MTTP: variants seen among roughly 807,000 people sequenced by gnomAD.
MTTP encodes microsomal triglyceride transfer protein.
In MTTP, 49 loss-of-function variants were observed where a neutral mutation model predicts 90.6. That is an observed-to-expected ratio of 0.54 (90% CI 0.43 to 0.69). The LOEUF is 0.69. MTTP is among the 30% of genes least tolerant of loss of function. The pLI is 0.00. For synonymous variants in MTTP, 347 were observed against 384.2 expected, an observed-to-expected ratio of 0.90 and a Z score of 1.13; for missense variants, 945 against 1,067.5, an observed-to-expected ratio of 0.89 and a Z score of 1.60.
At chr4:99,611,561 G>A (rs1725958180) in intron 14 of MTTP, 108 bp downstream of exon 14, 2 of 1,426,062 alleles carry the variant, frequency 1.4e-6, no homozygotes. Flanking sequence ...ATAAGTTAAT[G>A]GTGGCTTCTG....
At chr4:99,591,105 C>G in intron 4 of MTTP, 130 bp from the exon 5 acceptor site, 1 of 727,408 alleles carries the variant, frequency 1.4e-6, no homozygotes, top group Non-Finnish European at 2.5e-6. Context: ...GTCTTTGTAT[C>G]TTATCATCCT....
At chr4:99,611,893 C>G (rs1725965691) in intron 14 of MTTP, among the ~76,000 whole-genome samples, 1 of 152,130 alleles carries the variant, frequency 6.6e-6, no homozygotes. Context: ...TAATAAAACC[C>G]TTCATAATAG....
intron 3 of MTTP, chr4:99,583,735 T>C: frequency 1.6e-6 from 1 of 624,924 alleles, no homozygotes; most frequent in East Asian, 2.7e-5. Flanking sequence ...CCTATTTTTC[T>C]GGAAATCTTT....
At position 99,608,984 on chromosome 4, in the gene MTTP, T is replaced by C; in HGVS notation, c.1769+7T>C. 6.2e-7 allele frequency: 1 copy of C among 1,608,714 alleles called. No homozygotes were observed. The highest frequency in any genetic ancestry group is 8.5e-7 in the Non-Finnish European group (1 of 1,175,086). The stretch of plus-strand genomic sequence containing the variant: ...GTTTTGAAATGCCTGCAAGGTATAA[T>C]ACATTGCACATGTCTCTCTGTGTAT... On this transcript the variant is annotated splice_region_variant and intron_variant, in intron 12 of 17. Coordinates refer to ENST00000265517, the MANE Select transcript of MTTP (RefSeq NM_001386140.1).
chr4:99,606,877 T>C lies in MTTP; in HGVS notation c.1474T>C (p.Tyr492His). The C allele has an allele frequency of 6.2e-7, 1 of 1,613,988 alleles. No homozygotes were observed. Among genetic ancestry groups the C allele is most frequent in the South Asian group, 1.1e-5 (1 of 91,070 alleles). ...LPEGIPSLLK[Y>H]AEAGEGPISH... ...AGAAGGCATCCCAAGTCTTCTGAAG[T>C]ATGCAGAAGCAGGAGAAGGGCCCAT... The change falls in exon 11 of 18, where the codon TAT becomes CAT. Residue 492 changes from tyrosine (Y) to histidine (H), a missense_variant. Physicochemically the swap from Tyr to His is moderately conservative, Grantham distance 83. Transcript: ENST00000265517.
intron 1 of MTTP, chr4:99,564,507 T>C (rs1286266933): frequency 2.6e-6 from 1 of 388,278 alleles, no homozygotes; most frequent in Non-Finnish European, 4.6e-6. Flanking sequence ...CAGCCATAGC[T>C]TTACTCTTTA....
chr4:99,578,844 GCTTA>G (rs1361519651), intron 1 of MTTP, among the ~76,000 whole-genome samples: 7 of 152,270 alleles, frequency 4.6e-5, no homozygotes, highest in Admixed American at 4.6e-4. Flanking sequence ...GTCACACAAT[GCTTA>G]CTTTTCAGAA....
intron 2 of MTTP, among the ~76,000 whole-genome samples, chr4:99,582,555 T>C (rs1391183244): frequency 1.3e-5 from 2 of 152,176 alleles, no homozygotes; most frequent in African/African-American, 2.4e-5. Context: ...AACCAAGTAC[T>C]CCCCTGAATA....
chr4:99,581,740 A>G (rs568843590), intron 1 of MTTP, among the ~76,000 whole-genome samples, 165 bp from the exon 2 acceptor site: 2 of 152,290 alleles, frequency 1.3e-5, no homozygotes, highest in African/African-American at 4.8e-5. Flanking sequence ...TTGTTTATCT[A>G]TGTTTTTCAA....
chr4:99,579,894 G>T (rs1318136948), intron 1 of MTTP, among the ~76,000 whole-genome samples: 2 of 151,538 alleles, frequency 1.3e-5, no homozygotes, highest in African/African-American at 4.8e-5. Flanking sequence ...AAAATTAACT[G>T]GGCTTAGTGG....
In MTTP at chr4:99,608,746, T is replaced by A; in HGVS notation, c.1558-20T>A. 1 of 1,587,798 alleles carries A rather than the reference T, an allele frequency of 6.3e-7. No individual in the cohort carries two copies. Among genetic ancestry groups the A allele is most frequent in the Non-Finnish European group, 8.6e-7 (1 of 1,156,130 alleles). ...TTTAAAAATCTAGATGTGCACTAAG[T>A]TTGAACATCTTATGAACAGGTGAAG... On this transcript the variant is annotated intron_variant, in intron 11 of 17. Transcript: ENST00000265517.
chr4:99,597,481 G>T (rs1210170731), intron 8 of MTTP, among the ~76,000 whole-genome samples: 1 of 152,208 alleles, frequency 6.6e-6, no homozygotes, highest in Admixed American at 6.5e-5. Context: ...ATCAGGACTA[G>T]ATTGGTACAT....
rs777632344 is a variant in MTTP at position 99,581,980 on chromosome 4, G to C, written c.137G>C (p.Arg46Pro). Residue 46 changes from arginine to proline, a missense_variant, in exon 2 of 18, where the codon CGG becomes CCG. Coordinates refer to ENST00000265517, the MANE Select transcript of MTTP (RefSeq NM_001386140.1). Reference protein sequence around the residue: ...LTYSTEVLLDRGKGKLQDSVG... With the variant: ...LTYSTEVLLDPGKGKLQDSVG... ...TACTCCACTGAAGTTCTTCTTGATC[G>C]GGGCAAAGGAAAACTGCAAGACAGC... 1.9e-6 allele frequency: 3 copies of C among 1,614,006 alleles called. No individual in the cohort carries two copies. Among genetic ancestry groups the C allele is most frequent in the South Asian group, 2.2e-5 (2 of 91,082 alleles).
At chr4:99,574,823 C>T (rs1724914288), upstream of MTTP, 2 of 1,613,132 alleles carry the variant, frequency 1.2e-6, no homozygotes, top group African/African-American at 2.7e-5. Flanking sequence ...TGAAGAGGGT[C>T]ACTCCCTCAC....
At position 99,591,781 on chromosome 4, in the gene MTTP, T is replaced by C; in HGVS notation, c.749T>C (p.Ile250Thr). 1.9e-6 allele frequency: 3 copies of C among 1,612,046 alleles called. No homozygotes were observed. The highest frequency in any genetic ancestry group is 2.5e-6 in the Non-Finnish European group (3 of 1,178,470). ...TTCCTACAAACCATTAAGGGGAAAA[T>C]AGTATCGAAGTAAGATAATGCTAAA... ...LNFLQTIKGK[I>T]VSKQKLELKT... The change falls in exon 6 of 18, where the codon ATA becomes ACA. Residue 250 changes from isoleucine (I) to threonine (T), a missense_variant. Ile to Thr is a moderately conservative substitution (Grantham distance 89). Coordinates refer to ENST00000265517, the MANE Select transcript of MTTP (RefSeq NM_001386140.1).
intron 3 of MTTP, among the ~76,000 whole-genome samples, chr4:99,585,689 T>G (rs895516297): frequency 6.6e-6 from 1 of 152,076 alleles, no homozygotes; most frequent in African/African-American, 2.4e-5. Flanking sequence ...GCTACACACA[T>G]GAAAGGACTC....
intron 12 of MTTP, among the ~76,000 whole-genome samples, chr4:99,610,259 A>G (rs1350100734): frequency 6.6e-6 from 1 of 152,162 alleles, no homozygotes; most frequent in African/African-American, 2.4e-5. Context: ...AAATCTTCCT[A>G]TTGGCTCTGG....
At chr4:99,617,816 A>G (rs1726134674) in intron 15 of MTTP, among the ~76,000 whole-genome samples, 1 of 152,204 alleles carries the variant, frequency 6.6e-6, no homozygotes, top group Admixed American at 6.5e-5. Context: ...CCATGTTTGT[A>G]AATAATTACT....
intron 6 of MTTP, among the ~76,000 whole-genome samples, chr4:99,594,186 A>G (rs1578242859): frequency 6.6e-6 from 1 of 152,220 alleles, no homozygotes; most frequent in East Asian, 1.9e-4. Flanking sequence ...CTTTTAAGAC[A>G]TAGCCTTAGA....
Sources: gnomAD v4.1 joint callset for allele counts (sites outside exome capture counted in the v4.1 genomes callset) on GRCh38, gnomAD v4.1.1 for gene constraint, MANE v1.5 for transcripts, NCBI Gene and HGNC (gene_info 2026-07-23, HGNC 2026-07-21) for gene names.